The following UNC45A variants were observed in gnomAD, a reference collection of about 807,000 sequenced individuals.
UNC45A encodes unc-45 myosin chaperone A.
In UNC45A, 78 loss-of-function variants were observed where a neutral mutation model predicts 103.2. The observed-to-expected ratio is 0.76, with a 90% CI of 0.63 to 0.91. The LOEUF (loss-of-function observed/expected upper bound fraction) is 0.91. UNC45A is among the 40% of genes least tolerant of loss of function. UNC45A has a pLI of 0.00. For synonymous variants in UNC45A, 495 were observed against 504.6 expected (o/e 0.98, Z 0.25); for missense variants, 1,193 against 1,224.8 (o/e 0.97, Z 0.39).
chr15:90,935,590 A>C lies in UNC45A; in HGVS notation c.98A>C (p.Lys33Thr). 1 of 1,613,280 alleles carries C rather than the reference A, an allele frequency of 6.2e-7. No homozygotes were observed. Among genetic ancestry groups the C allele is most frequent in the East Asian group, 2.2e-5 (1 of 44,866 alleles). The change falls in exon 2 of 20, where the codon AAA becomes ACA. Residue 33 changes from lysine to threonine, a missense_variant. Physicochemically the swap from Lys to Thr is moderately conservative, Grantham distance 78. Transcript: ENST00000418476. ...QLRKEGNELFKCGDYGGALAA... is the reference protein window; with the variant it reads ...QLRKEGNELFTCGDYGGALAA... ...CGGAAGGAGGGCAATGAGCTGTTCA[A>C]ATGTGGAGACTACGGGGGCGCCCTG...
upstream of UNC45A, chr15:90,934,090 G>A (rs368001264): frequency 5.5e-5 from 22 of 399,204 alleles, no homozygotes; most frequent in South Asian, 1.0e-3. Context: ...CTATCTGTGG[G>A]GCTACTGCTG....
chr15:90,934,885 G>C (rs1461228717), upstream of UNC45A: 1 of 438,652 alleles, frequency 2.3e-6, no homozygotes, highest in Non-Finnish European at 4.0e-6. Context: ...ACCCCCCACA[G>C]AGCGCAGCAG....
rs565241262 is a variant in UNC45A at position 90,944,826 on chromosome 15, G to C, written c.1028-66G>C. 4 of 1,543,326 alleles carry C rather than the reference G, an allele frequency of 2.6e-6. No individual in the cohort carries two copies. In the African/African-American group the frequency reaches 4.2e-5, roughly 16 times the overall value. ...TGCTTTTCTCCACATCTCCTAGGAA[G>C]CCTGTTTCTTTTACTTGTAGGGGTT... On this transcript the variant is annotated intron_variant, in intron 8 of 19. Coordinates refer to ENST00000418476, the MANE Select transcript of UNC45A (RefSeq NM_018671.5).
chr15:90,946,896 C>T lies in UNC45A; in HGVS notation c.1482C>T (p.Ile494=), dbSNP rs752552270. 3.1e-6 allele frequency: 5 copies of T among 1,605,140 alleles called. No individual in the cohort carries two copies. In the Admixed American group the frequency reaches 5.0e-5, roughly 16 times the overall value. ...DLYKCSEKDS[I]RIRALVGLCK... is the part of the protein sequence containing the mutation. ...ATAAGTGCAGCGAGAAGGACAGCAT[C>T]CGCATCCGGGCGCTAGTGGTGAGAC... is the stretch of plus-strand genomic sequence containing the variant. The change falls in exon 10 of 20, where the codon ATC becomes ATT. Residue 494 remains isoleucine, a synonymous_variant. Transcript: ENST00000418476.
rs2036668167 is a variant in UNC45A at position 90,948,052 on chromosome 15, G to A, written c.1596-90G>A. On this transcript the variant is annotated intron_variant, in intron 11 of 19. Coordinates refer to ENST00000418476, the MANE Select transcript of UNC45A (RefSeq NM_018671.5). The stretch of plus-strand genomic sequence containing the variant: ...AACTGCTTCTGTACATTGAGGGGAT[G>A]CCCAAACCCTTGGTTTTTCCCCCTT... The A allele has an allele frequency of 2.6e-5, 41 of 1,571,908 alleles. No homozygotes were observed. In the South Asian group the frequency reaches 4.7e-4, roughly 18 times the overall value.
In UNC45A at chr15:90,948,760, A is replaced by G. The variant is rs2036719237; in HGVS notation, c.1844A>G (p.Tyr615Cys). ...PDPKMVELAKYAKQHVPEQHP... is the reference protein window; with the variant it reads ...PDPKMVELAKCAKQHVPEQHP... ...CCCAAGATGGTGGAGCTGGCCAAGT[A>G]TGCCAAGCAGCATGTGCCCGAGCAG... Residue 615 changes from tyrosine to cysteine, a missense_variant, in exon 13 of 20, where the codon TAT becomes TGT. Tyr to Cys is a radical substitution (Grantham distance 194). Coordinates refer to ENST00000418476, the MANE Select transcript of UNC45A (RefSeq NM_018671.5). 2 of 1,612,460 alleles carry G rather than the reference A, an allele frequency of 1.2e-6. No homozygotes were observed. Among genetic ancestry groups the G allele is most frequent in the Admixed American group, 1.7e-5 (1 of 59,792 alleles).
At chr15:90,932,390 C>A, upstream of UNC45A, 1 of 1,237,308 alleles carries the variant, frequency 8.1e-7, no homozygotes, top group South Asian at 2.0e-5. Context: ...CCCCACCACC[C>A]AGGTGCCGCA....
rs754875037 is a variant in UNC45A, at chr15:90,935,365, C to T, written c.41C>T (p.Ala14Val). Residue 14 changes from alanine (A) to valine (V), a missense_variant, in exon 1 of 20, where the codon GCC (alanine) becomes GTC (valine). By Grantham distance (64) the Ala-to-Val change is moderately conservative. Transcript: ENST00000418476. ...CCAGGGACCCCCGAGCCCCGGCCGG[C>T]CACCCCCGGGGTGCGTACCCAACCC... ...SGPGTPEPRPATPGASSVEQL... is the reference protein window; with the variant it reads ...SGPGTPEPRPVTPGASSVEQL... 1.2e-6 allele frequency: 2 copies of T among 1,600,964 alleles called. No individual in the cohort carries two copies. The highest frequency in any genetic ancestry group is 1.7e-6 in the Non-Finnish European group (2 of 1,174,666).
chr15:90,943,190 T>C (rs2036382163), intron 8 of UNC45A, 108 bp downstream of exon 8: 2 of 1,343,518 alleles, frequency 1.5e-6, no homozygotes, highest in African/African-American at 1.5e-5. Context: ...ATGACACACT[T>C]TGAGAGGCAG....
chr15:90,950,118 G>C, intron 15 of UNC45A, 36 bp from the exon 16 acceptor site: 1 of 1,544,714 alleles, frequency 6.5e-7, no homozygotes, highest in South Asian at 1.2e-5. Context: ...CTTACTCCCA[G>C]GGATGTCCTG....
At chr15:90,948,307 A>C (rs1371037668) in intron 12 of UNC45A, 24 bp downstream of exon 12, 4 of 1,611,788 alleles carry the variant, frequency 2.5e-6, no homozygotes, top group Non-Finnish European at 3.4e-6. Flanking sequence ...TCCTGCCGTC[A>C]GCCTGGGGAC....
chr15:90,946,476 T>C, intron 9 of UNC45A, 138 bp from the exon 10 acceptor site: 1 of 981,872 alleles, frequency 1.0e-6, no homozygotes, highest in Non-Finnish European at 1.5e-6. Context: ...GGTGGAAACG[T>C]CCTAGTCCTC....
chr15:90,940,546 C>A, intron 6 of UNC45A, 73 bp downstream of exon 6: 1 of 1,530,306 alleles, frequency 6.5e-7, no homozygotes, highest in Non-Finnish European at 8.8e-7. Context: ...TCCATCCACC[C>A]ATCTGTCCAT....
intron 3 of UNC45A, 80 bp downstream of exon 3, chr15:90,936,062 A>G (rs2036000990): frequency 6.3e-7 from 1 of 1,593,296 alleles, no homozygotes; most frequent in Non-Finnish European, 8.5e-7. Context: ...GCACCGTCAC[A>G]TTCTCCTCCT....
intron 9 of UNC45A, among the ~76,000 whole-genome samples, chr15:90,946,115 G>A (rs1422112321): frequency 1.5e-4 from 23 of 151,162 alleles, no homozygotes; most frequent in Non-Finnish European, 3.2e-4. Context: ...TTAGCCAGGT[G>A]TGGTGGTGGG....
intron 17 of UNC45A, among the ~76,000 whole-genome samples, 190 bp downstream of exon 17, chr15:90,950,805 C>G (rs1257653667): frequency 6.6e-6 from 1 of 152,242 alleles, no homozygotes; most frequent in Non-Finnish European, 1.5e-5. Flanking sequence ...TAGAGTCAGA[C>G]TGCCTCGCTT....
At chr15:90,945,996 T>G (rs1235611838) in intron 9 of UNC45A, among the ~76,000 whole-genome samples, 1 of 150,298 alleles carries the variant, frequency 6.7e-6, no homozygotes, top group Non-Finnish European at 1.5e-5. Context: ...ACACCTGTAA[T>G]CCCAGCACTT....
chr15:90,935,239 C>A, upstream of UNC45A: 2 of 1,337,784 alleles, frequency 1.5e-6, no homozygotes, highest in Non-Finnish European at 2.1e-6. Context: ...AAGAGTGGGG[C>A]GGGGCAGCTG....
intron 13 of UNC45A, 47 bp downstream of exon 13, chr15:90,948,841 G>A (rs774705500): frequency 8.6e-6 from 13 of 1,510,920 alleles, no homozygotes; most frequent in South Asian, 1.2e-5. Context: ...CATGGGGACA[G>A]CTAACCCAGG....
Sources: gnomAD v4.1 joint callset for allele counts (sites outside exome capture counted in the v4.1 genomes callset) on GRCh38, gnomAD v4.1.1 for gene constraint, MANE v1.5 for transcripts, NCBI Gene and HGNC (gene_info 2026-07-23, HGNC 2026-07-21) for gene names.